Variants in PLCXD3 observed in about 807,000 individuals in gnomAD.
The protein encoded by PLCXD3 is PI-PLC X domain-containing protein 3.
Under a neutral mutation model 25.5 loss-of-function variants are expected in PLCXD3, and 19 were observed. That is an observed-to-expected ratio of 0.75 (90% CI 0.52 to 1.09). The LOEUF is 1.09. Ranked by LOEUF, PLCXD3 falls within the 50% of genes least tolerant of loss-of-function variation. The probability of loss-of-function intolerance (pLI) is 0.00; values close to 1 mark genes in which losing one functional copy is unlikely to be tolerated. For synonymous variants in PLCXD3, 174 were observed against 137.6 expected (o/e 1.26, Z -1.85); for missense variants, 411 against 388.1 (o/e 1.06, Z -0.50).
intron 1 of PLCXD3, among the ~76,000 whole-genome samples, chr5:41,420,134 C>T (rs955262285): frequency 1.2e-4 from 18 of 152,110 alleles, no homozygotes; most frequent in Admixed American, 9.2e-4. Flanking sequence ...ATGATTGCAC[C>T]TATATCAAGT....
intron 1 of PLCXD3, among the ~76,000 whole-genome samples, 161 bp downstream of exon 1, chr5:41,510,263 A>G (rs1739014974): frequency 6.6e-6 from 1 of 152,208 alleles, no homozygotes; most frequent in African/African-American, 2.4e-5. Flanking sequence ...CAGGAAGCCC[A>G]AGGCTACCCG....
chr5:41,426,094 G>A lies in PLCXD3; in HGVS notation c.104-43560C>T, dbSNP rs1443600447. On this transcript the variant is annotated intron_variant, in intron 1 of 2. Coordinates refer to ENST00000377801, the MANE Select transcript of PLCXD3 (RefSeq NM_001005473.3). ...CGAGCAATGAATGAGAGCTCCTGTT[G>A]CTCCACATCTTCAATATTTGGTATT... 2.6e-5 allele frequency among the ~76,000 whole-genome samples: 4 copies of A among 152,130 alleles called. No individual in the cohort carries two copies. In the East Asian group the frequency reaches 7.7e-4, roughly 29 times the overall value.
rs765853658 is a variant in PLCXD3 at position 41,382,232 on chromosome 5, G to A, written c.406C>T (p.His136Tyr). The A allele has an allele frequency of 3.7e-6, 6 of 1,613,598 alleles. No homozygotes were observed. Among genetic ancestry groups the A allele is most frequent in the Middle Eastern group, 3.3e-4 (2 of 6,076 alleles). ...AAGTCCAAGAACACTACCTCCTTAT[G>A]GTGATCTGTGAGGAATGCATTGATC... ...EEINAFLTDH[H>Y]KEVVFLDFNH... is the part of the protein sequence containing the mutation. The change falls in exon 2 of 3, where the codon CAT becomes TAT. Residue 136 changes from histidine (H) to tyrosine (Y), a missense_variant. His to Tyr is a moderately conservative substitution (Grantham distance 83). Transcript: ENST00000377801.
chr5:41,494,660 G>A (rs1025755611), intron 1 of PLCXD3, among the ~76,000 whole-genome samples: 1 of 152,290 alleles, frequency 6.6e-6, no homozygotes, highest in Middle Eastern at 3.4e-3. Context: ...AAATTCAAAT[G>A]CATATGATGG....
In PLCXD3 at chr5:41,311,446, A is replaced by C. The variant is rs1007856452; in HGVS notation, c.*2171T>G. On this transcript the variant is annotated 3_prime_UTR_variant, in exon 3 of 3. Coordinates refer to ENST00000377801, the MANE Select transcript of PLCXD3 (RefSeq NM_001005473.3). ...AGGTTTTATTACTCTTTTTCACACA[A>C]TATTAAGGGTTTCAGTCTTAAAATT... The C allele has an allele frequency of 6.6e-6, 1 of 151,974 alleles. No homozygotes were observed. The highest frequency in any genetic ancestry group is 2.4e-5 in the African/African-American group (1 of 41,444). 9.4% of individuals were successfully genotyped at this position (151,974 alleles called of 1,614,324 possible).
chr5:41,507,652 A>G (rs1046448080), intron 1 of PLCXD3, among the ~76,000 whole-genome samples: 1 of 152,200 alleles, frequency 6.6e-6, no homozygotes, highest in Non-Finnish European at 1.5e-5. Flanking sequence ...CCAGTTGGGT[A>G]GCCTTATAAT....
chr5:41,379,614 T>C (rs1430343064), intron 2 of PLCXD3, among the ~76,000 whole-genome samples: 1 of 151,992 alleles, frequency 6.6e-6, no homozygotes, highest in African/African-American at 2.4e-5. Context: ...GTTATAGATG[T>C]TGTCAGGGGC....
At chr5:41,380,360 C>A in intron 2 of PLCXD3, among the ~76,000 whole-genome samples, 1 of 151,982 alleles carries the variant, frequency 6.6e-6, no homozygotes, top group East Asian at 1.9e-4. Flanking sequence ...TTTCGCTTCC[C>A]CAGTGTAGCT....
At chr5:41,391,090 G>A (rs1192953259) in intron 1 of PLCXD3, among the ~76,000 whole-genome samples, 3 of 152,156 alleles carry the variant, frequency 2.0e-5, no homozygotes, top group African/African-American at 7.2e-5. Flanking sequence ...TCACAACTGA[G>A]GGCTACAGCA....
At chr5:41,352,722 T>G (rs769199864) in intron 2 of PLCXD3, among the ~76,000 whole-genome samples, 13 of 152,230 alleles carry the variant, frequency 8.5e-5, no homozygotes, top group Non-Finnish European at 2.9e-5. Flanking sequence ...TCTTAACAGC[T>G]GAAAAATTCT....
chr5:41,468,514 G>T (rs1280076628), intron 1 of PLCXD3, among the ~76,000 whole-genome samples: 1 of 152,110 alleles, frequency 6.6e-6, no homozygotes, highest in African/African-American at 2.4e-5. Flanking sequence ...GAACACAGGA[G>T]ATCTCTTCAT....
At chr5:41,340,263 T>C (rs1744101808) in intron 2 of PLCXD3, among the ~76,000 whole-genome samples, 1 of 152,160 alleles carries the variant, frequency 6.6e-6, no homozygotes, top group African/African-American at 2.4e-5. Flanking sequence ...TCACTGCACG[T>C]AGTGTCCCTA....
chr5:41,489,274 G>A lies in PLCXD3; in HGVS notation c.103+21150C>T, dbSNP rs530106760. On this transcript the variant is annotated intron_variant, in intron 1 of 2. Coordinates refer to ENST00000377801, the MANE Select transcript of PLCXD3 (RefSeq NM_001005473.3). ...GCATTATTTCTGAGGGCTCTGTTCT[G>A]TTCCATTGATCTATATCTCTGTTTT... Among the ~76,000 whole-genome samples, 545 of 152,202 alleles carry A rather than the reference G, an allele frequency of 3.6e-3. 4 individuals are homozygous for A. The highest frequency in any genetic ancestry group is 0.011 in the African/African-American group (453 of 41,530).
At chr5:41,452,845 C>G (rs997056779) in intron 1 of PLCXD3, among the ~76,000 whole-genome samples, 1 of 151,908 alleles carries the variant, frequency 6.6e-6, no homozygotes. Context: ...GTACCACATT[C>G]CATTATCTTT....
intron 2 of PLCXD3, among the ~76,000 whole-genome samples, chr5:41,351,392 C>T (rs1285285664): frequency 2.0e-5 from 3 of 152,108 alleles, no homozygotes; most frequent in Non-Finnish European, 4.4e-5. Flanking sequence ...CATTGTATTC[C>T]CAGACCTGGC....
At chr5:41,417,387 C>A (rs528298614) in intron 1 of PLCXD3, among the ~76,000 whole-genome samples, 143 of 152,328 alleles carry the variant, frequency 9.4e-4, no homozygotes, top group Middle Eastern at 3.4e-3. Context: ...TCCTCCTTTT[C>A]ATTCCAGGAA....
chr5:41,419,249 A>G (rs1317833573), intron 1 of PLCXD3, among the ~76,000 whole-genome samples: 1 of 152,176 alleles, frequency 6.6e-6, no homozygotes, highest in Non-Finnish European at 1.5e-5. Context: ...AAGATTTTGT[A>G]GCCACAAATC....
intron 1 of PLCXD3, among the ~76,000 whole-genome samples, chr5:41,418,882 CAGA>C (rs1218459940): frequency 1.3e-5 from 2 of 152,298 alleles, no homozygotes; most frequent in East Asian, 3.9e-4. Context: ...TGTTCCACCT[CAGA>C]AGGTTACATT....
intron 1 of PLCXD3, among the ~76,000 whole-genome samples, chr5:41,406,225 CTGT>C (rs1330029825): frequency 6.6e-6 from 1 of 152,086 alleles, no homozygotes; most frequent in Admixed American, 6.6e-5. Flanking sequence ...TCACCCAAAG[CTGT>C]ATTGCAGACC....
Sources: allele counts gnomAD v4.1 joint callset (sites outside exome capture counted in the v4.1 genomes callset), GRCh38; gene constraint gnomAD v4.1.1; transcripts MANE v1.5; gene names NCBI Gene and HGNC (gene_info 2026-07-23, HGNC 2026-07-21).